The following PTPRN2 variants were observed in gnomAD, a reference collection of about 807,000 sequenced individuals.
PTPRN2 encodes receptor-type tyrosine-protein phosphatase N2.
PTPRN2 carries 74 observed loss-of-function variants against 118.8 expected under a neutral mutation model. The ratio of observed to expected loss-of-function variants is 0.62; its 90% confidence interval spans 0.52 to 0.76. The LOEUF is 0.76. PTPRN2 is among the 30% of genes least tolerant of loss of function. The probability of loss-of-function intolerance (pLI) is 0.00; values close to 1 mark genes in which losing one functional copy is unlikely to be tolerated. For synonymous variants in PTPRN2, 641 were observed against 608.0 expected (o/e 1.05, Z -0.80); for missense variants, 1,481 against 1,394.4 (o/e 1.06, Z -0.99).
intron 1 of PTPRN2, among the ~76,000 whole-genome samples, chr7:158,498,862 C>A (rs958383482): frequency 1.3e-5 from 2 of 152,104 alleles, no homozygotes; most frequent in Non-Finnish European, 2.9e-5. Context: ...AAGAACAGTA[C>A]CAAAAGTGAG....
intron 11 of PTPRN2, among the ~76,000 whole-genome samples, chr7:157,952,370 G>A (rs1420081210): frequency 5.4e-5 from 8 of 148,610 alleles, no homozygotes; most frequent in Admixed American, 4.7e-4. Context: ...GGCGAGGGTG[G>A]GACAGGCAAG....
chr7:158,277,123 A>G (rs1400846937), intron 3 of PTPRN2, among the ~76,000 whole-genome samples: 1 of 148,646 alleles, frequency 6.7e-6, no homozygotes, highest in African/African-American at 2.4e-5. Flanking sequence ...ACACACACAC[A>G]CGTGCCCGCA....
At chr7:158,040,090 A>G (rs1347596229) in intron 11 of PTPRN2, among the ~76,000 whole-genome samples, 1 of 152,230 alleles carries the variant, frequency 6.6e-6, no homozygotes, top group Admixed American at 6.5e-5. Context: ...AAAAAAAGAA[A>G]AAGACAAAAC....
At chr7:158,203,225 C>CAAAA (rs56016358) in intron 4 of PTPRN2, among the ~76,000 whole-genome samples, 15 of 50,344 alleles carry the variant, frequency 3.0e-4, no homozygotes, top group African/African-American at 3.9e-4. Flanking sequence ...AAGCAAGAGC[C>CAAAA]AAAAAAAAAA....
intron 12 of PTPRN2, among the ~76,000 whole-genome samples, chr7:157,747,781 C>T (rs1252769199): frequency 2.4e-5 from 3 of 124,926 alleles, no homozygotes; most frequent in Non-Finnish European, 3.3e-5. Context: ...CTGAGGCCTG[C>T]GTCCCTGAGC....
chr7:158,052,828 C>T (rs1809440190), intron 11 of PTPRN2, among the ~76,000 whole-genome samples: 2 of 152,212 alleles, frequency 1.3e-5, no homozygotes, highest in African/African-American at 4.8e-5. Flanking sequence ...CAGTTCCCAG[C>T]CACTCGGGGT....
intron 12 of PTPRN2, among the ~76,000 whole-genome samples, chr7:157,829,850 T>C (rs566973065): frequency 6.6e-6 from 1 of 152,310 alleles, no homozygotes; most frequent in South Asian, 2.1e-4. Flanking sequence ...GCAAACTCTG[T>C]TTCACCCTGA....
rs989657369 is a variant in PTPRN2 at position 157,764,167 on chromosome 7, T to C, written c.1789-81230A>G. Among the ~76,000 whole-genome samples, 1 of 152,162 alleles carries C rather than the reference T, an allele frequency of 6.6e-6. No homozygotes were observed. On this transcript the variant is annotated intron_variant, in intron 12 of 22. Coordinates refer to ENST00000389418, the MANE Select transcript of PTPRN2 (RefSeq NM_002847.5). This position sits in a 1 kb window ranked among gnomAD's most constrained non-coding sequence, Gnocchi z 4.5. ...GGAATATAGCATGATGCAGTCGCTG[T>C]TAGTGGGTCCTCAAAAAACTAACCA...
In PTPRN2 at chr7:157,964,189, T is replaced by C. The variant is rs1301566438; in HGVS notation, c.1724-65452A>G. ...AGCTGGGTGGGGTAGTGTTGAGTTC[T>C]GGTCCTGGTCCCACCGACCTGGGCT... On this transcript the variant is annotated intron_variant, in intron 11 of 22. Transcript: ENST00000389418. This position sits in a 1 kb window ranked among gnomAD's most constrained non-coding sequence, Gnocchi z 9.0. 6.6e-6 allele frequency among the ~76,000 whole-genome samples: 1 copy of C among 152,178 alleles called. No homozygotes were observed. The highest frequency in any genetic ancestry group is 2.4e-5 in the African/African-American group (1 of 41,438).
intron 14 of PTPRN2, among the ~76,000 whole-genome samples, chr7:157,639,725 C>T (rs2150690510): frequency 6.6e-6 from 1 of 152,362 alleles, no homozygotes; most frequent in South Asian, 2.1e-4. Context: ...AAAACCCTGC[C>T]TTGCTGGAGG....
intron 3 of PTPRN2, among the ~76,000 whole-genome samples, chr7:158,259,874 TGC>T: frequency 6.8e-6 from 1 of 147,434 alleles, no homozygotes; most frequent in African/African-American, 2.6e-5. Flanking sequence ...TACATGTATG[TGC>T]GTTTGTGTGT....
chr7:157,727,531 G>A (rs1748327351), intron 12 of PTPRN2, among the ~76,000 whole-genome samples: 3 of 152,122 alleles, frequency 2.0e-5, no homozygotes, highest in Non-Finnish European at 4.4e-5. Flanking sequence ...GGGGTGGGGG[G>A]AGGAACAGGG....
intron 2 of PTPRN2, among the ~76,000 whole-genome samples, chr7:158,329,856 C>A (rs78162534): frequency 0.038 from 5,824 of 152,210 alleles, 415 homozygotes; most frequent in African/African-American, 0.13. Flanking sequence ...TCACTTTAGA[C>A]TGTAGATGCC....
At chr7:158,157,376 G>A (rs1382049934) in intron 6 of PTPRN2, among the ~76,000 whole-genome samples, 2 of 152,256 alleles carry the variant, frequency 1.3e-5, no homozygotes, top group African/African-American at 4.8e-5. Flanking sequence ...CAGCAGCATG[G>A]ACCTGGCAGG....
At chr7:158,576,183 C>T (rs113747597) in intron 1 of PTPRN2, among the ~76,000 whole-genome samples, 2 of 152,292 alleles carry the variant, frequency 1.3e-5, no homozygotes, top group African/African-American at 2.4e-5. Context: ...TCAGACAGAG[C>T]TGTGTGTCTG....
intron 2 of PTPRN2, among the ~76,000 whole-genome samples, chr7:158,423,614 A>G (rs1354862875): frequency 6.6e-6 from 1 of 151,740 alleles, no homozygotes; most frequent in Admixed American, 6.6e-5. Context: ...GCTCACTGCA[A>G]CCTCCACCTC....
chr7:158,220,057 A>G (rs1423807071), intron 3 of PTPRN2, among the ~76,000 whole-genome samples: 2 of 152,096 alleles, frequency 1.3e-5, no homozygotes, highest in South Asian at 2.1e-4. Context: ...AACAGAAACC[A>G]TATGATCATC....
chr7:158,071,190 C>T (rs183221409), intron 11 of PTPRN2, among the ~76,000 whole-genome samples: 1 of 20,316 alleles, frequency 4.9e-5, no homozygotes, highest in African/African-American at 2.0e-4. Context: ...TGGAGGTGCT[C>T]ATGGTGGTGG....
chr7:158,252,017 C>T (rs1239224068), intron 3 of PTPRN2, among the ~76,000 whole-genome samples: 1 of 152,198 alleles, frequency 6.6e-6, no homozygotes, highest in African/African-American at 2.4e-5. Flanking sequence ...AAAGCCCCTT[C>T]TTGGCTCTGG....
Sources: allele counts gnomAD v4.1 joint callset (sites outside exome capture counted in the v4.1 genomes callset), GRCh38; gene constraint gnomAD v4.1.1; non-coding constraint Gnocchi (gnomAD v3.1); transcripts MANE v1.5; gene names NCBI Gene and HGNC (gene_info 2026-07-23, HGNC 2026-07-21).